CTNNA3: variants seen among roughly 807,000 people sequenced by gnomAD.
The protein encoded by CTNNA3 is catenin alpha-3.
CTNNA3 carries 76 observed loss-of-function variants against 95.7 expected under a neutral mutation model. The ratio of observed to expected loss-of-function variants is 0.79; its 90% CI spans 0.66 to 0.96. The LOEUF (loss-of-function observed/expected upper bound fraction) is 0.96, where lower values mean the gene tolerates loss of function less well. Ranked by LOEUF, CTNNA3 falls within the 40% of genes least tolerant of loss-of-function variation. The pLI is 0.00. For synonymous variants in CTNNA3, 431 were observed against 374.4 expected (o/e 1.15, Z -1.74); for missense variants, 1,191 against 1,089.8 (o/e 1.09, Z -1.31).
At chr10:67,437,490 T>C (rs1293120361) in intron 5 of CTNNA3, among the ~76,000 whole-genome samples, 2 of 152,060 alleles carry the variant, frequency 1.3e-5, no homozygotes, top group African/African-American at 4.8e-5. Flanking sequence ...ATAAATTTAA[T>C]AAATACCCCA....
chr10:66,752,978 T>C (rs1839212224), intron 9 of CTNNA3, among the ~76,000 whole-genome samples: 3 of 152,176 alleles, frequency 2.0e-5, no homozygotes, highest in African/African-American at 4.8e-5. Context: ...TATTACTTTT[T>C]ATATAGAAAT....
chr10:66,077,162 A>G (rs559942218), intron 14 of CTNNA3, among the ~76,000 whole-genome samples: 23 of 151,852 alleles, frequency 1.5e-4, no homozygotes, highest in African/African-American at 5.5e-4. Context: ...TTTAGATATA[A>G]AATGCTATGA....
intron 1 of CTNNA3, among the ~76,000 whole-genome samples, chr10:67,668,539 C>T (rs957325249): frequency 2.6e-5 from 4 of 152,136 alleles, no homozygotes; most frequent in Non-Finnish European, 5.9e-5. Flanking sequence ...AGAACTCTTG[C>T]GCTTTGGGGC....
chr10:67,647,245 TAAC>T (rs886689938), intron 2 of CTNNA3, among the ~76,000 whole-genome samples, 167 bp downstream of exon 2: 41 of 150,752 alleles, frequency 2.7e-4, no homozygotes, highest in African/African-American at 9.7e-4. Flanking sequence ...TTTCACATCT[TAAC>T]AACACACATA....
chr10:66,662,599 C>T (rs1846301832), intron 9 of CTNNA3, among the ~76,000 whole-genome samples: 1 of 152,124 alleles, frequency 6.6e-6, no homozygotes, highest in African/African-American at 2.4e-5. Context: ...TTCCTCTGTC[C>T]TTTCTGTCTC....
At chr10:66,528,775 AC>A (rs1841358937) in intron 10 of CTNNA3, among the ~76,000 whole-genome samples, 1 of 151,914 alleles carries the variant, frequency 6.6e-6, no homozygotes, top group Admixed American at 6.6e-5. Flanking sequence ...TTTCTGAAAC[AC>A]CCCCCAAACA....
At chr10:66,136,823 C>G (rs1186790378) in intron 13 of CTNNA3, among the ~76,000 whole-genome samples, 1 of 151,576 alleles carries the variant, frequency 6.6e-6, no homozygotes, top group Non-Finnish European at 1.5e-5. Flanking sequence ...TTTGTGAGTT[C>G]ACATAATTTT....
At chr10:66,658,597 C>T (rs1418866373) in intron 9 of CTNNA3, among the ~76,000 whole-genome samples, 2 of 152,128 alleles carry the variant, frequency 1.3e-5, no homozygotes, top group East Asian at 1.9e-4. Context: ...GGAGAGTTTG[C>T]ATGCAAACAC....
chr10:67,367,316 A>G (rs1408121676), intron 5 of CTNNA3, among the ~76,000 whole-genome samples: 1 of 152,172 alleles, frequency 6.6e-6, no homozygotes, highest in African/African-American at 2.4e-5. Flanking sequence ...ACAAGTGGCC[A>G]CCAAACATAC....
intron 15 of CTNNA3, among the ~76,000 whole-genome samples, chr10:65,994,765 T>A (rs2078618522): frequency 6.6e-6 from 1 of 152,152 alleles, no homozygotes; most frequent in Admixed American, 6.5e-5. Context: ...GGAATTCTCT[T>A]CAACTTCTGG....
chr10:66,803,074 C>T (rs1207175699), intron 7 of CTNNA3, among the ~76,000 whole-genome samples: 1 of 151,940 alleles, frequency 6.6e-6, no homozygotes, highest in Non-Finnish European at 1.5e-5. Flanking sequence ...ACACATCAAA[C>T]TGTAACATTT....
At chr10:67,453,212 T>C (rs576074126) in intron 5 of CTNNA3, among the ~76,000 whole-genome samples, 3 of 152,154 alleles carry the variant, frequency 2.0e-5, no homozygotes, top group African/African-American at 4.8e-5. Context: ...GCTAACCTTA[T>C]GAACACATAT....
intron 1 of CTNNA3, among the ~76,000 whole-genome samples, chr10:67,704,165 T>A (rs145491707): frequency 6.6e-6 from 1 of 152,058 alleles, no homozygotes; most frequent in Non-Finnish European, 1.5e-5. Flanking sequence ...TGCTCATGGA[T>A]AGGAAGAATC....
chr10:66,495,890 T>G (rs1213482973), intron 11 of CTNNA3, among the ~76,000 whole-genome samples: 1 of 152,066 alleles, frequency 6.6e-6, no homozygotes, highest in African/African-American at 2.4e-5. Context: ...ATTCCTGACC[T>G]CAAGTGATCT....
chr10:66,021,851 G>GTTTTTTTTTTTTTTTTTTTTT (rs1564583857), intron 15 of CTNNA3, among the ~76,000 whole-genome samples: 3 of 41,674 alleles, frequency 7.2e-5, no homozygotes, highest in Non-Finnish European at 1.4e-4. Context: ...CAGGATCTTG[G>GTTTTTTTTTTTTTTTTTTTTT]CTTTTTTTTT....
At chr10:67,450,486 T>C (rs1450343534) in intron 5 of CTNNA3, among the ~76,000 whole-genome samples, 1 of 152,154 alleles carries the variant, frequency 6.6e-6, no homozygotes, top group Non-Finnish European at 1.5e-5. Context: ...TGAAGGGACA[T>C]AGATTGAGCT....
chr10:66,980,565 T>TTCTGTTTCCCA (rs1564809959), intron 7 of CTNNA3, among the ~76,000 whole-genome samples: 3 of 152,090 alleles, frequency 2.0e-5, no homozygotes, highest in Non-Finnish European at 2.9e-5. Flanking sequence ...GAGACCTTCC[T>TTCTGTTTCCCA]ACCCACCTGT....
rs532484898 is a variant in CTNNA3, at chr10:66,213,511, T to G, written c.1884+66959A>C. Among the ~76,000 whole-genome samples the G allele has an allele frequency of 9.1e-4, 138 of 152,272 alleles. 1 individual carries two copies. The highest frequency in any genetic ancestry group is 3.1e-3 in the African/African-American group (130 of 41,542). ...TTAAAATAGATATAAGCAGATGATC[T>G]CCAGTATATTTTCATTATATCCAGT... On this transcript the variant is annotated intron_variant, in intron 13 of 17. Transcript: ENST00000433211.
intron 5 of CTNNA3, among the ~76,000 whole-genome samples, chr10:67,354,179 G>A (rs1032018758): frequency 1.3e-5 from 2 of 151,986 alleles, no homozygotes; most frequent in Admixed American, 6.6e-5. Flanking sequence ...ATAAAACAAG[G>A]AAGACAAAAG....
Sources: allele counts gnomAD v4.1 joint callset (sites outside exome capture counted in the v4.1 genomes callset), GRCh38; gene constraint gnomAD v4.1.1; transcripts MANE v1.5; gene names NCBI Gene and HGNC (gene_info 2026-07-23, HGNC 2026-07-21).